Variants in CDC73 observed in about 807,000 individuals in gnomAD.
CDC73 encodes the protein cell division cycle 73.
A neutral mutation model predicts 83.7 loss-of-function variants in CDC73; 21 were observed. The observed-to-expected ratio is 0.25, with a 90% CI of 0.18 to 0.36. CDC73 has a LOEUF of 0.36. Ranked by LOEUF, CDC73 falls within the 10% of genes least tolerant of loss-of-function variation. The pLI, the probability that CDC73 is intolerant of heterozygous loss-of-function variation, is 1.00. For missense variants in CDC73, 342 were observed against 653.3 expected (o/e 0.52, Z 5.19); for synonymous variants, 224 against 212.9 (o/e 1.05, Z -0.45).
chr1:193,185,671 T>G (rs368415785), intron 10 of CDC73, among the ~76,000 whole-genome samples: 22 of 152,186 alleles, frequency 1.4e-4, no homozygotes, highest in African/African-American at 5.3e-4. Context: ...AGATAAGGAT[T>G]CAGTTTGACC....
chr1:193,228,083 G>T (rs1030408651), intron 13 of CDC73, among the ~76,000 whole-genome samples: 1 of 152,108 alleles, frequency 6.6e-6, no homozygotes, highest in Non-Finnish European at 1.5e-5. Flanking sequence ...CACATTCTTT[G>T]TTAAGTTTAA....
intron 3 of CDC73, among the ~76,000 whole-genome samples, chr1:193,132,545 T>C (rs954803280): frequency 1.3e-5 from 2 of 152,042 alleles, no homozygotes; most frequent in Non-Finnish European, 2.9e-5. Context: ...ACTCTTGGGC[T>C]CAAGCAGTCC....
chr1:193,178,175 TTTAAAG>T (rs1400065115), intron 10 of CDC73, among the ~76,000 whole-genome samples: 1 of 152,124 alleles, frequency 6.6e-6, no homozygotes, highest in Non-Finnish European at 1.5e-5. Context: ...GAATATTTAT[TTTAAAG>T]TAAGGATTTT....
intron 10 of CDC73, among the ~76,000 whole-genome samples, chr1:193,167,448 T>C (rs551823781): frequency 6.6e-6 from 1 of 152,246 alleles, no homozygotes; most frequent in East Asian, 1.9e-4. Flanking sequence ...GTCATTTGCC[T>C]TGACTTCTGA....
At position 193,180,391 on chromosome 1, in the gene CDC73, A is replaced by G. The variant is rs147800585; in HGVS notation, c.973-23404A>G. 488 of 1,613,740 alleles carry G rather than the reference A, an allele frequency of 3.0e-4. No homozygotes were observed. Among genetic ancestry groups the G allele is most frequent in the Non-Finnish European group, 4.1e-4 (478 of 1,179,802 alleles). Reference sequence around the variant, plus strand: ...TTGTTGTAAATGGTTCCAGTATTTTATCAGTTCACTAGGCTGGAACTGATG... The same window carrying G: ...TTGTTGTAAATGGTTCCAGTATTTTGTCAGTTCACTAGGCTGGAACTGATG... On this transcript the variant is annotated intron_variant, in intron 10 of 16. Coordinates refer to ENST00000367435, the MANE Select transcript of CDC73 (RefSeq NM_024529.5).
intron 10 of CDC73, among the ~76,000 whole-genome samples, chr1:193,197,111 C>T (rs1295261065): frequency 1.3e-5 from 2 of 152,094 alleles, no homozygotes; most frequent in Non-Finnish European, 2.9e-5. Context: ...ACATTGCCTT[C>T]CATTCCTAGT....
At position 193,231,925 on chromosome 1, in the gene CDC73, G is replaced by A. The variant is rs74993161; in HGVS notation, c.1155-1068G>A. 1.8e-3 allele frequency among the ~76,000 whole-genome samples: 270 copies of A among 152,220 alleles called. 3 individuals are homozygous for A. In the East Asian group the frequency reaches 0.024, roughly 14 times the overall value. On this transcript the variant is annotated intron_variant, in intron 13 of 16. Transcript: ENST00000367435. ...ATTGTATTCCCTCCATTTTATTGGA[G>A]AGACTAGATCATAGTTAATAAAATA...
chr1:193,235,883 AC>A (rs1465118758), intron 14 of CDC73, among the ~76,000 whole-genome samples: 1 of 152,214 alleles, frequency 6.6e-6, no homozygotes. Context: ...TTTTTAAACA[AC>A]TTTTTTGATT....
At chr1:193,214,893 G>A (rs142933009) in intron 13 of CDC73, among the ~76,000 whole-genome samples, 1,837 of 152,270 alleles carry the variant, frequency 0.012, 18 homozygotes, top group South Asian at 0.034. Context: ...TGGGGAGATT[G>A]ATGTGTATAT....
intron 13 of CDC73, among the ~76,000 whole-genome samples, chr1:193,218,331 A>G (rs1473714574): frequency 3.3e-5 from 5 of 152,250 alleles, no homozygotes; most frequent in Admixed American, 2.0e-4. Context: ...TAAAGTGGCC[A>G]TAACTGCCCA....
chr1:193,232,457 T>TAC (rs142845942), intron 13 of CDC73, among the ~76,000 whole-genome samples: 3,768 of 150,430 alleles, frequency 0.025, 38 homozygotes, highest in African/African-American at 0.029. Context: ...TACACACACA[T>TAC]ACACACACAC....
chr1:193,211,960 C>A, intron 11 of CDC73, 105 bp from the exon 12 acceptor site: 2 of 822,806 alleles, frequency 2.4e-6, no homozygotes, highest in Non-Finnish European at 4.1e-6. Flanking sequence ...TACAGTTAGT[C>A]ATATGGGAAT....
intron 15 of CDC73, 43 bp from the exon 16 acceptor site, chr1:193,249,687 T>A (rs561374709): frequency 9.8e-6 from 15 of 1,525,600 alleles, no homozygotes; most frequent in Admixed American, 1.7e-5. Context: ...TCTTTTTTTT[T>A]ATTTTGAGTA....
intron 10 of CDC73, among the ~76,000 whole-genome samples, chr1:193,162,831 T>G (rs1204413816): frequency 6.6e-6 from 1 of 152,176 alleles, no homozygotes; most frequent in Non-Finnish European, 1.5e-5. Context: ...GTCATTTCTG[T>G]CTTATGTGTG....
chr1:193,178,624 G>A (rs1180659301), intron 10 of CDC73, among the ~76,000 whole-genome samples: 2 of 151,998 alleles, frequency 1.3e-5, no homozygotes, highest in Non-Finnish European at 2.9e-5. Context: ...ATCCCCTTAT[G>A]TGTGACTTTT....
At chr1:193,174,333 T>C (rs930205228) in intron 10 of CDC73, among the ~76,000 whole-genome samples, 4 of 152,168 alleles carry the variant, frequency 2.6e-5, no homozygotes, top group African/African-American at 9.6e-5. Flanking sequence ...AGTTATCTTG[T>C]TGTTCATTTG....
intron 10 of CDC73, among the ~76,000 whole-genome samples, chr1:193,163,596 A>T (rs577003745): frequency 1.3e-5 from 2 of 152,242 alleles, no homozygotes; most frequent in African/African-American, 4.8e-5. Context: ...TTCTTTACCT[A>T]GGTTAACTGC....
chr1:193,195,552 T>C (rs1286292685), intron 10 of CDC73, among the ~76,000 whole-genome samples: 1 of 152,170 alleles, frequency 6.6e-6, no homozygotes, highest in Non-Finnish European at 1.5e-5. Context: ...TAATTCTTTG[T>C]TTAATTTTTG....
rs1678103706 is a variant in CDC73, at chr1:193,254,770, G to C, written c.*4058G>C. ...AAAAGTGGGAAGCATTTTTATATGA[G>C]TAAAGCTAATGAAATAAAACTAGTT... On this transcript the variant is annotated 3_prime_UTR_variant, in exon 17 of 17. Coordinates refer to ENST00000367435, the MANE Select transcript of CDC73 (RefSeq NM_024529.5). 1.3e-5 allele frequency among the ~76,000 whole-genome samples: 2 copies of C among 152,252 alleles called. No homozygotes were observed. The highest frequency in any genetic ancestry group is 4.1e-4 in the South Asian group (2 of 4,822).
Sources: gnomAD v4.1 joint callset for allele counts (sites outside exome capture counted in the v4.1 genomes callset) on GRCh38, gnomAD v4.1.1 for gene constraint, MANE v1.5 for transcripts, NCBI Gene and HGNC (gene_info 2026-07-23, HGNC 2026-07-21) for gene names.